Variants in NRG3 observed in about 807,000 individuals in gnomAD.
The protein encoded by NRG3 is pro-neuregulin-3, membrane-bound isoform.
Under a neutral mutation model 66.9 loss-of-function variants are expected in NRG3, and 31 were observed. The observed-to-expected ratio is 0.46, with a 90% CI of 0.35 to 0.63. The LOEUF (loss-of-function observed/expected upper bound fraction) is 0.63. NRG3 is among the 20% of genes least tolerant of loss of function. The pLI, the probability that NRG3 is intolerant of heterozygous loss-of-function variation, is 0.00. For missense variants in NRG3, 910 were observed against 878.9 expected, an observed-to-expected ratio of 1.04 and a Z score of -0.45; for synonymous variants, 393 against 359.4, an observed-to-expected ratio of 1.09 and a Z score of -1.06.
intron 1 of NRG3, among the ~76,000 whole-genome samples, chr10:82,096,285 G>T (rs936382619): frequency 1.3e-5 from 2 of 152,044 alleles, no homozygotes; most frequent in African/African-American, 4.8e-5. Flanking sequence ...GACCATCTGC[G>T]CCAACATGGT....
intron 1 of NRG3, among the ~76,000 whole-genome samples, chr10:82,184,400 A>G (rs2073658372): frequency 6.6e-6 from 1 of 152,140 alleles, no homozygotes; most frequent in East Asian, 1.9e-4. Context: ...TGGAGGAAGG[A>G]GTCCATTTAA....
At chr10:82,216,167 G>C (rs11193033) in intron 1 of NRG3, among the ~76,000 whole-genome samples, 1 of 151,782 alleles carries the variant, frequency 6.6e-6, no homozygotes, top group Non-Finnish European at 1.5e-5. Context: ...TTTTAGCAGA[G>C]ACAGGGTTTC....
At chr10:82,005,146 T>C (rs2061335159) in intron 1 of NRG3, among the ~76,000 whole-genome samples, 1 of 152,174 alleles carries the variant, frequency 6.6e-6, no homozygotes, top group Non-Finnish European at 1.5e-5. Context: ...ACACAAAGTG[T>C]TGTAGATCTT....
chr10:82,801,963 G>C (rs1230847665), intron 3 of NRG3, among the ~76,000 whole-genome samples: 1 of 152,142 alleles, frequency 6.6e-6, no homozygotes, highest in Non-Finnish European at 1.5e-5. Context: ...GCTTTGACCA[G>C]TTTTCATTTT....
chr10:82,250,939 A>G (rs2077456211), intron 1 of NRG3, among the ~76,000 whole-genome samples: 2 of 152,220 alleles, frequency 1.3e-5, no homozygotes, highest in Admixed American at 1.3e-4. Context: ...TTTGATCGGC[A>G]GTCTTGTATA....
chr10:82,150,753 A>G (rs926621550), intron 1 of NRG3, among the ~76,000 whole-genome samples: 4 of 152,128 alleles, frequency 2.6e-5, no homozygotes, highest in African/African-American at 9.7e-5. Context: ...CTGATGACCA[A>G]TACTATGCCT....
chr10:82,609,475 A>G (rs915015472), intron 2 of NRG3, among the ~76,000 whole-genome samples: 22 of 152,142 alleles, frequency 1.4e-4, no homozygotes, highest in African/African-American at 5.3e-4. Flanking sequence ...CTATTTTACA[A>G]TTGCTGAAGT....
chr10:82,517,696 T>C (rs923665751), intron 2 of NRG3, among the ~76,000 whole-genome samples: 4 of 148,026 alleles, frequency 2.7e-5, no homozygotes, highest in African/African-American at 1.0e-4. Context: ...TGTGTGTGTG[T>C]CTGTATGTTT....
rs1225527774 is a variant in NRG3, at chr10:82,223,642, A to AAAAC, written c.824-135096_824-135095insAACA. 1.2e-3 allele frequency among the ~76,000 whole-genome samples: 171 copies of AAAAC among 138,012 alleles called. 1 individual carries two copies. Among genetic ancestry groups the AAAAC allele is most frequent in the African/African-American group, 4.0e-3 (144 of 36,010 alleles). 90.5% of individuals were successfully genotyped at this position (138,012 alleles called of 152,430 possible). On this transcript the variant is annotated intron_variant, in intron 1 of 8. Coordinates refer to ENST00000372141, the MANE Select transcript of NRG3 (RefSeq NM_001010848.4). ...TAGTAATATTCCAGCAACCACCCCA[A>AAAAC]ACACACACACACACACACACACACA...
intron 1 of NRG3, among the ~76,000 whole-genome samples, chr10:81,895,344 A>C (rs1303329619): frequency 1.3e-5 from 2 of 152,178 alleles, no homozygotes; most frequent in African/African-American, 4.8e-5. Flanking sequence ...AGATAGATAC[A>C]TTCTAATAAC....
chr10:82,483,167 A>G (rs1277374784), intron 2 of NRG3, among the ~76,000 whole-genome samples: 2 of 152,202 alleles, frequency 1.3e-5, no homozygotes, highest in African/African-American at 4.8e-5. Context: ...TCCATGCAGA[A>G]CCTTATTCAG....
At chr10:82,151,715 T>G (rs2132795424) in intron 1 of NRG3, among the ~76,000 whole-genome samples, 1 of 39,780 alleles carries the variant, frequency 2.5e-5, no homozygotes, top group Middle Eastern at 0.018. Flanking sequence ...CTTATTGTCT[T>G]ACTTCCCCAA....
chr10:82,843,545 CA>C (rs1308021720), intron 3 of NRG3, among the ~76,000 whole-genome samples: 1 of 152,074 alleles, frequency 6.6e-6, no homozygotes, highest in Non-Finnish European at 1.5e-5. Flanking sequence ...AACATAAAAT[CA>C]ATAATAAATA....
intron 2 of NRG3, among the ~76,000 whole-genome samples, chr10:82,643,460 T>C (rs903476988): frequency 2.0e-5 from 3 of 152,064 alleles, no homozygotes; most frequent in Admixed American, 2.0e-4. Context: ...TTTTCTAAAT[T>C]GCCCAGGCTC....
intron 2 of NRG3, among the ~76,000 whole-genome samples, chr10:82,516,227 G>A (rs997887389): frequency 2.0e-5 from 3 of 151,924 alleles, no homozygotes; most frequent in Non-Finnish European, 4.4e-5. Flanking sequence ...AGGCAATGAG[G>A]TTTGTCTATG....
At chr10:82,262,563 C>A (rs373122496) in intron 1 of NRG3, among the ~76,000 whole-genome samples, 1 of 152,202 alleles carries the variant, frequency 6.6e-6, no homozygotes, top group Admixed American at 6.5e-5. Flanking sequence ...AGCCTTAGTA[C>A]TGCTCTGTTC....
intron 2 of NRG3, among the ~76,000 whole-genome samples, chr10:82,425,660 G>A (rs575452511): frequency 4.6e-5 from 7 of 152,040 alleles, no homozygotes; most frequent in South Asian, 2.1e-4. Context: ...AGCCACACAC[G>A]GTGTATTGGA....
At chr10:82,774,360 T>C (rs2059819597) in intron 3 of NRG3, among the ~76,000 whole-genome samples, 1 of 152,170 alleles carries the variant, frequency 6.6e-6, no homozygotes, top group Admixed American at 6.6e-5. Context: ...ATTATTTGAA[T>C]ATTTGGCAGA....
intron 2 of NRG3, among the ~76,000 whole-genome samples, chr10:82,542,456 A>G (rs2043609051): frequency 6.6e-6 from 1 of 152,248 alleles, no homozygotes; most frequent in Admixed American, 6.5e-5. Context: ...ATATAAACTG[A>G]TAGAAATTAA....
Sources: allele counts gnomAD v4.1 joint callset (sites outside exome capture counted in the v4.1 genomes callset), GRCh38; gene constraint gnomAD v4.1.1; transcripts MANE v1.5; gene names NCBI Gene and HGNC (gene_info 2026-07-23, HGNC 2026-07-21).